The following FAR2 variants were observed in gnomAD, a reference collection of about 807,000 sequenced individuals.
FAR2 encodes epididymis secretory protein Li 81.
FAR2 carries 19 observed loss-of-function variants against 56.0 expected under a neutral mutation model. The observed-to-expected ratio is 0.34, with a 90% CI of 0.24 to 0.50. The LOEUF is 0.50. FAR2 is among the 20% of genes least tolerant of loss of function. The probability of loss-of-function intolerance (pLI) is 0.98; values close to 1 mark genes in which losing one functional copy is unlikely to be tolerated. For missense variants in FAR2, 508 were observed against 642.2 expected (o/e 0.79, Z 2.26); for synonymous variants, 219 against 218.8 (o/e 1.00, Z -0.01).
In FAR2 at chr12:29,332,701, C is replaced by T. The variant is rs768896192; in HGVS notation, c.1359C>T (p.Ile453=). 9 of 1,613,284 alleles carry T rather than the reference C, an allele frequency of 5.6e-6. No individual in the cohort carries two copies. The African/African-American group carries it at 1.1e-4, about 19-fold the overall frequency. ...TATTGAAAGAGGATATGGCTGGGAT[C>T]CCAAAAGCAAAGCAACGCTTAAAAA... is the stretch of plus-strand genomic sequence containing the variant. ...KYLLKEDMAG[I]PKAKQRLKRL... is the part of the protein sequence containing the mutation. Residue 453 remains isoleucine, a synonymous_variant, in exon 11 of 12, where the codon ATC becomes ATT. Coordinates refer to ENST00000536681, the MANE Select transcript of FAR2 (RefSeq NM_001271783.2).
intron 1 of FAR2, among the ~76,000 whole-genome samples, chr12:29,204,382 G>A (rs1461486862): frequency 6.6e-6 from 1 of 152,144 alleles, no homozygotes; most frequent in Non-Finnish European, 1.5e-5. Context: ...TTGCCATAGG[G>A]AAGATAATTA....
Position 29,293,158 on chromosome 12 carries a change from T to C in FAR2, c.190-142T>C, listed in dbSNP as rs1341460064. On this transcript the variant is annotated intron_variant, in intron 2 of 11. Transcript: ENST00000536681. ...CTGAGATTACAGGCATATGCCACCA[T>C]GCCCAGCCAGATGTCTTCTTTAAGT... is the stretch of plus-strand genomic sequence containing the variant. The C allele has an allele frequency of 9.2e-6, 6 of 650,024 alleles. No individual in the cohort carries two copies. In the East Asian group the frequency reaches 1.4e-4, roughly 15 times the overall value. 40.3% of individuals were successfully genotyped at this position (650,024 alleles called of 1,614,324 possible).
intron 1 of FAR2, among the ~76,000 whole-genome samples, chr12:29,166,223 C>A (rs1949826310): frequency 6.6e-6 from 1 of 152,222 alleles, no homozygotes; most frequent in Non-Finnish European, 1.5e-5. Flanking sequence ...ATGGTATTGA[C>A]AGTATCTAAG....
intron 1 of FAR2, among the ~76,000 whole-genome samples, chr12:29,247,758 T>A (rs1948151014): frequency 6.6e-6 from 1 of 152,222 alleles, no homozygotes. Context: ...TGTATAAGTC[T>A]CTTAACCCAT....
intron 1 of FAR2, among the ~76,000 whole-genome samples, chr12:29,223,131 C>T (rs769204357): frequency 7.2e-5 from 11 of 152,108 alleles, no homozygotes; most frequent in Non-Finnish European, 1.2e-4. Context: ...TAGGGAAGTA[C>T]TATTACTAGC....
At chr12:29,333,316 A>G (rs925884684) in intron 11 of FAR2, 1 of 281,548 alleles carries the variant, frequency 3.6e-6, no homozygotes, top group African/African-American at 2.2e-5. Flanking sequence ...CTTCTAATGA[A>G]CAAGAACCAG....
intron 1 of FAR2, among the ~76,000 whole-genome samples, chr12:29,193,088 A>ATT (rs200230261): frequency 2.0e-5 from 3 of 151,230 alleles, no homozygotes; most frequent in African/African-American, 4.9e-5. Context: ...TAAAGCTTTT[A>ATT]TTTTTTTTTA....
chr12:29,276,354 T>C (rs770173952), intron 2 of FAR2, among the ~76,000 whole-genome samples: 1 of 152,222 alleles, frequency 6.6e-6, no homozygotes, highest in Non-Finnish European at 1.5e-5. Flanking sequence ...GAAGGGAATC[T>C]GATGTGTATA....
Position 29,303,248 on chromosome 12 carries a change from G to A in FAR2, c.546-4410G>A, listed in dbSNP as rs530398540. Among the ~76,000 whole-genome samples, 71 of 152,238 alleles carry A rather than the reference G, an allele frequency of 4.7e-4. 1 individual carries two copies. Among genetic ancestry groups the A allele is most frequent in the African/African-American group, 1.7e-3 (70 of 41,544 alleles). ...ATTCTAAAATGGTACCCAGGAATCTGGATTTTTCCCAGGGGCCCTGTGTAA... is the reference window on the plus strand; with the variant it reads ...ATTCTAAAATGGTACCCAGGAATCTAGATTTTTCCCAGGGGCCCTGTGTAA... On this transcript the variant is annotated intron_variant, in intron 4 of 11. Transcript: ENST00000536681.
At chr12:29,203,229 A>G (rs1947436437) in intron 1 of FAR2, among the ~76,000 whole-genome samples, 1 of 152,204 alleles carries the variant, frequency 6.6e-6, no homozygotes. Context: ...TCTTTGGTTT[A>G]TGTGACATTC....
At chr12:29,317,106 A>T in intron 9 of FAR2, 94 bp downstream of exon 9, 4 of 1,330,848 alleles carry the variant, frequency 3.0e-6, no homozygotes, top group Non-Finnish European at 4.1e-6. Flanking sequence ...GGATTAAAGG[A>T]GACAACTGAA....
At chr12:29,167,072 G>C (rs943968393) in intron 1 of FAR2, among the ~76,000 whole-genome samples, 7 of 151,928 alleles carry the variant, frequency 4.6e-5, no homozygotes, top group Admixed American at 6.6e-5. Flanking sequence ...GATTTTTCCT[G>C]CTCCAACCAC....
chr12:29,318,308 T>C (rs1949490056), intron 9 of FAR2, among the ~76,000 whole-genome samples: 1 of 152,164 alleles, frequency 6.6e-6, no homozygotes, highest in Non-Finnish European at 1.5e-5. Context: ...GGGGAAAATA[T>C]TTGTATGGGG....
chr12:29,301,178 A>C lies in FAR2; in HGVS notation c.545+3978A>C, dbSNP rs538535656. 2.6e-5 allele frequency among the ~76,000 whole-genome samples: 4 copies of C among 152,352 alleles called. No individual in the cohort carries two copies. In the South Asian group the frequency reaches 8.3e-4, roughly 32 times the overall value. ...ACAAAAACTTTAGCACATTAGCAGA[A>C]ATATATTTTAAAAATAACTTAAATC... On this transcript the variant is annotated intron_variant, in intron 4 of 11. Coordinates refer to ENST00000536681, the MANE Select transcript of FAR2 (RefSeq NM_001271783.2).
chr12:29,333,651 C>A lies in FAR2; in HGVS notation c.1405C>A (p.Leu469Ile), dbSNP rs1293065370. 2.5e-6 allele frequency: 4 copies of A among 1,613,180 alleles called. No homozygotes were observed. The African/African-American group carries it at 4.0e-5, about 16-fold the overall frequency. Residue 469 changes from leucine to isoleucine, a missense_variant, in exon 12 of 12, where the codon CTC becomes ATC. Leu to Ile is a conservative substitution (Grantham distance 5, BLOSUM62 2). Coordinates refer to ENST00000536681, the MANE Select transcript of FAR2 (RefSeq NM_001271783.2). ...CCCTAGGCTCCGAAATATTCACTAC[C>A]TCTTTAATACTGCCCTCTTCCTTAT... is the stretch of plus-strand genomic sequence containing the variant. ...RLKRLRNIHYLFNTALFLIAW... is the reference protein window; with the variant it reads ...RLKRLRNIHYIFNTALFLIAW...
intron 2 of FAR2, among the ~76,000 whole-genome samples, chr12:29,289,233 A>G (rs978258395): frequency 1.1e-4 from 17 of 152,246 alleles, no homozygotes; most frequent in African/African-American, 4.1e-4. Context: ...GAGAATAGCC[A>G]AAGCTAACCT....
At chr12:29,304,609 T>C (rs1949226572) in intron 4 of FAR2, among the ~76,000 whole-genome samples, 1 of 152,206 alleles carries the variant, frequency 6.6e-6, no homozygotes, top group East Asian at 1.9e-4. Flanking sequence ...TACATATGCC[T>C]CTTGGTAATT....
chr12:29,210,631 C>T (rs76016879), intron 1 of FAR2, among the ~76,000 whole-genome samples: 2,081 of 152,332 alleles, frequency 0.014, 43 homozygotes, highest in African/African-American at 0.048. Context: ...GAGGACTAAG[C>T]TGGCCATTCC....
intron 1 of FAR2, among the ~76,000 whole-genome samples, chr12:29,235,007 AAAC>A (rs1311570875): frequency 6.6e-6 from 1 of 152,226 alleles, no homozygotes; most frequent in East Asian, 1.9e-4. Context: ...TGAACAATAA[AAAC>A]AACACTTATG....
Sources: allele counts gnomAD v4.1 joint callset (sites outside exome capture counted in the v4.1 genomes callset), GRCh38; gene constraint gnomAD v4.1.1; transcripts MANE v1.5; gene names NCBI Gene and HGNC (gene_info 2026-07-23, HGNC 2026-07-21).